NCAM1: variants seen among roughly 807,000 people sequenced by gnomAD.
NCAM1 encodes the protein neural cell adhesion molecule 1, also known as antigen recognized by monoclonal antibody 5.1H11.
Under a neutral mutation model 109.8 loss-of-function variants are expected in NCAM1, and 14 were observed. The ratio of observed to expected loss-of-function variants is 0.13; its 90% confidence interval spans 0.08 to 0.20. The LOEUF (loss-of-function observed/expected upper bound fraction) is 0.20. Among genes scored for constraint, NCAM1 ranks in the 10% least tolerant of loss-of-function variants. NCAM1 has a pLI of 1.00. For synonymous variants in NCAM1, 418 were observed against 442.9 expected, an observed-to-expected ratio of 0.94 and a Z score of 0.70; for missense variants, 774 against 1,109.9, an observed-to-expected ratio of 0.70 and a Z score of 4.30.
At chr11:113,264,102 G>A in intron 17 of NCAM1, 1 of 985,332 alleles carries the variant, frequency 1.0e-6, no homozygotes, top group South Asian at 4.7e-5. Flanking sequence ...ATATCAGTGT[G>A]TGTGCTTGGG....
intron 1 of NCAM1, among the ~76,000 whole-genome samples, chr11:113,165,074 C>A (rs1942742418): frequency 6.6e-6 from 1 of 152,200 alleles, no homozygotes; most frequent in African/African-American, 2.4e-5. Context: ...GACCCACTGT[C>A]TGCTCATTGG....
intron 1 of NCAM1, among the ~76,000 whole-genome samples, chr11:113,098,732 G>A (rs1939723998): frequency 6.6e-6 from 1 of 152,170 alleles, no homozygotes; most frequent in African/African-American, 2.4e-5. Context: ...TGAAGAACTG[G>A]AGTAGAGCAA....
chr11:113,169,064 G>C (rs1258399026), intron 1 of NCAM1, among the ~76,000 whole-genome samples: 1 of 148,330 alleles, frequency 6.7e-6, no homozygotes, highest in Non-Finnish European at 1.5e-5. Flanking sequence ...GTGTGTGTGT[G>C]TGTGTGTCTG....
chr11:113,130,171 T>A (rs1295557252), intron 1 of NCAM1, among the ~76,000 whole-genome samples: 4 of 152,236 alleles, frequency 2.6e-5, no homozygotes, highest in African/African-American at 9.7e-5. Flanking sequence ...CGTTCAGTAT[T>A]CACATTGGCG....
chr11:113,067,743 T>A (rs782334687), intron 1 of NCAM1, among the ~76,000 whole-genome samples: 6 of 152,122 alleles, frequency 3.9e-5, no homozygotes, highest in Non-Finnish European at 7.4e-5. Context: ...ATGTACTCCC[T>A]GATAAATTAC....
chr11:113,121,225 C>CTTT (rs3051885), intron 1 of NCAM1, among the ~76,000 whole-genome samples: 4,266 of 125,200 alleles, frequency 0.034, 225 homozygotes, highest in East Asian at 0.084. Flanking sequence ...CAACACCAAT[C>CTTT]TTTTTTTTTT....
chr11:113,043,480 G>T (rs1292674160), intron 1 of NCAM1, among the ~76,000 whole-genome samples: 1 of 152,106 alleles, frequency 6.6e-6, no homozygotes, highest in East Asian at 1.9e-4. Flanking sequence ...GGATTTACAG[G>T]CATGTGCCAC....
At chr11:113,002,254 T>C (rs782577209) in intron 1 of NCAM1, among the ~76,000 whole-genome samples, 1 of 152,140 alleles carries the variant, frequency 6.6e-6, no homozygotes, top group Non-Finnish European at 1.5e-5. Context: ...GCATAAATAT[T>C]TGTCAAGTAA....
At chr11:113,160,018 C>T (rs916995474) in intron 1 of NCAM1, among the ~76,000 whole-genome samples, 10 of 152,066 alleles carry the variant, frequency 6.6e-5, no homozygotes, top group Non-Finnish European at 1.5e-4. Context: ...GTATGTAGCT[C>T]CTTCCTTCCC....
At chr11:113,128,906 GGTGTGTGT>G (rs782123739) in intron 1 of NCAM1, among the ~76,000 whole-genome samples, 2,406 of 84,894 alleles carry the variant, frequency 0.028, 104 homozygotes, top group African/African-American at 0.019. Context: ...AAGTTGTGAG[GGTGTGTGT>G]GTGTGTGTGT....
At chr11:113,122,485 T>C (rs568724449) in intron 1 of NCAM1, among the ~76,000 whole-genome samples, 1 of 152,172 alleles carries the variant, frequency 6.6e-6, no homozygotes, top group Non-Finnish European at 1.5e-5. Context: ...CTTGTTTTCA[T>C]TAATTAAAAA....
At chr11:113,156,885 A>G (rs975143076) in intron 1 of NCAM1, among the ~76,000 whole-genome samples, 1 of 152,128 alleles carries the variant, frequency 6.6e-6, no homozygotes, top group Non-Finnish European at 1.5e-5. Flanking sequence ...GAAGGTAGGC[A>G]TCTCCACATG....
intron 1 of NCAM1, among the ~76,000 whole-genome samples, chr11:112,988,245 A>T (rs1951362069): frequency 6.6e-6 from 1 of 152,284 alleles, no homozygotes; most frequent in Admixed American, 6.5e-5. Context: ...TGTATCCTTT[A>T]ACAAATTATT....
At chr11:113,265,207 G>A (rs950764839) in intron 17 of NCAM1, 14 of 976,540 alleles carry the variant, frequency 1.4e-5, no homozygotes, top group South Asian at 4.7e-5. Context: ...ACTCACCAGC[G>A]TGGCTTGATT....
intron 1 of NCAM1, among the ~76,000 whole-genome samples, chr11:112,998,413 T>G (rs1951656739): frequency 6.6e-6 from 1 of 152,152 alleles, no homozygotes; most frequent in Non-Finnish European, 1.5e-5. Flanking sequence ...GACTTTTATA[T>G]TCTCTTATTA....
Position 112,962,233 on chromosome 11 carries a change from A to C in NCAM1, c.52+569A>C, listed in dbSNP as rs1207323437. Among the ~76,000 whole-genome samples, 2 of 152,222 alleles carry C rather than the reference A, an allele frequency of 1.3e-5. No individual in the cohort carries two copies. The highest frequency in any genetic ancestry group is 2.9e-5 in the Non-Finnish European group (2 of 68,022). ...TTGCAAAATGGGGCAAAATGGGCAGAATCGCACGGCCGTTGTTGTTGGTGT... is the reference window on the plus strand; with the variant it reads ...TTGCAAAATGGGGCAAAATGGGCAGCATCGCACGGCCGTTGTTGTTGGTGT... On this transcript the variant is annotated intron_variant, in intron 1 of 19. Transcript: ENST00000316851. The surrounding 1 kb of genome is among the most constrained non-coding windows in gnomAD (Gnocchi z 5.6).
Position 113,275,557 on chromosome 11 carries a change from A to G in NCAM1, c.*170A>G. The G allele has an allele frequency of 1.2e-6, 1 of 804,120 alleles. No homozygotes were observed. The highest frequency in any genetic ancestry group is 1.8e-6 in the Non-Finnish European group (1 of 543,742). 49.8% of individuals were successfully genotyped at this position (804,120 alleles called of 1,614,324 possible). A position where few individuals can be genotyped will look rare whatever the true frequency, so the allele number is the denominator to read the frequency against. On this transcript the variant is annotated 3_prime_UTR_variant, in exon 20 of 20. Coordinates refer to ENST00000316851, the MANE Select transcript of NCAM1 (RefSeq NM_181351.5). ...TGCCTTTAAAAAAAACTAAACAGAT[A>G]AAACATGGGAATCTCCTTTTTGTAG...
At chr11:113,221,440 T>C (rs1288610055) in intron 9 of NCAM1, 115 bp downstream of exon 9, 3 of 1,107,112 alleles carry the variant, frequency 2.7e-6, no homozygotes, top group East Asian at 5.2e-5. Context: ...AGCTAAAGAA[T>C]AGGTCGATAG....
intron 1 of NCAM1, among the ~76,000 whole-genome samples, chr11:113,107,516 G>A (rs782054253): frequency 1.3e-5 from 2 of 152,086 alleles, no homozygotes; most frequent in African/African-American, 2.4e-5. Flanking sequence ...AAGATTTAAC[G>A]GAGTCACAGT....
Sources: gnomAD v4.1 joint callset for allele counts (sites outside exome capture counted in the v4.1 genomes callset) on GRCh38, gnomAD v4.1.1 for gene constraint, Gnocchi (gnomAD v3.1) non-coding constraint, MANE v1.5 for transcripts, NCBI Gene and HGNC (gene_info 2026-07-23, HGNC 2026-07-21) for gene names.